The following TAFA1 variants were observed in gnomAD, a reference collection of about 807,000 sequenced individuals.
The protein encoded by TAFA1 is TAFA chemokine like family member 1.
In TAFA1, 4 loss-of-function variants were observed where a neutral mutation model predicts 18.5. The ratio of observed to expected loss-of-function variants is 0.22; its 90% confidence interval spans 0.11 to 0.49. The LOEUF is 0.49. TAFA1 is among the 20% of genes least tolerant of loss of function. The pLI is 0.98. For synonymous variants in TAFA1, 56 were observed against 55.2 expected (o/e 1.01, Z -0.06); for missense variants, 147 against 169.0 (o/e 0.87, Z 0.72).
chr3:68,384,079 T>C (rs567390132), intron 2 of TAFA1, among the ~76,000 whole-genome samples: 1 of 152,182 alleles, frequency 6.6e-6, no homozygotes, highest in South Asian at 2.1e-4. Context: ...TTTTCTTCTT[T>C]ATTAGTCTAG....
chr3:68,047,372 A>C (rs534975697), intron 2 of TAFA1, among the ~76,000 whole-genome samples: 3 of 152,314 alleles, frequency 2.0e-5, no homozygotes, highest in Admixed American at 1.3e-4. Context: ...AAAATGCATA[A>C]ATTCAAGAAG....
chr3:68,002,311 T>C (rs1031169965), upstream of TAFA1, among the ~76,000 whole-genome samples: 2 of 152,228 alleles, frequency 1.3e-5, no homozygotes, highest in African/African-American at 4.8e-5. Context: ...TTTATTCCAG[T>C]ATTTTTTTCT....
At chr3:68,517,667 C>G (rs1372294735) in intron 3 of TAFA1, among the ~76,000 whole-genome samples, 1 of 152,162 alleles carries the variant, frequency 6.6e-6, no homozygotes, top group Non-Finnish European at 1.5e-5. Context: ...TCAGTTCCAT[C>G]TATGAAATTA....
chr3:68,418,897 G>A (rs1236501051), intron 3 of TAFA1, among the ~76,000 whole-genome samples: 1 of 152,076 alleles, frequency 6.6e-6, no homozygotes, highest in Non-Finnish European at 1.5e-5. Context: ...GCTTAAAACA[G>A]AAAACATTAT....
intron 2 of TAFA1, among the ~76,000 whole-genome samples, chr3:68,399,235 G>T (rs996290842): frequency 1.3e-5 from 2 of 152,158 alleles, no homozygotes; most frequent in East Asian, 1.9e-4. Flanking sequence ...ATTTTACAAA[G>T]CTCAAAGAGT....
In TAFA1 at chr3:68,130,715, G is replaced by A. The variant is rs142111775; in HGVS notation, c.118+123971G>A. ...CATTCCAGTTACATTTCCCTTCCTCGAGAACATCAGACTATTTTCTGCCTC... is the reference window on the plus strand; with the variant it reads ...CATTCCAGTTACATTTCCCTTCCTCAAGAACATCAGACTATTTTCTGCCTC... On this transcript the variant is annotated intron_variant, in intron 2 of 4. Coordinates refer to ENST00000478136, the MANE Select transcript of TAFA1 (RefSeq NM_213609.4). 3.3e-3 allele frequency among the ~76,000 whole-genome samples: 498 copies of A among 151,854 alleles called. 1 individual carries two copies. Among genetic ancestry groups the A allele is most frequent in the Non-Finnish European group, 4.2e-3 (284 of 67,982 alleles).
intron 2 of TAFA1, among the ~76,000 whole-genome samples, chr3:68,370,483 T>C (rs1406303728): frequency 2.4e-5 from 2 of 81,760 alleles, no homozygotes; most frequent in Non-Finnish European, 2.4e-5. Flanking sequence ...TATATATATA[T>C]ATATATATAT....
chr3:68,340,848 G>A (rs2069070571), intron 2 of TAFA1, among the ~76,000 whole-genome samples: 1 of 152,174 alleles, frequency 6.6e-6, no homozygotes, highest in African/African-American at 2.4e-5. Flanking sequence ...AATCTGACCT[G>A]TATTCACATT....
chr3:67,994,476 CAGTT>C, the TAFA1 span, among the ~76,000 whole-genome samples: 2 of 152,172 alleles, frequency 1.3e-5, no homozygotes, highest in African/African-American at 2.4e-5. Context: ...TGTTAGTGCT[CAGTT>C]AGTTAGAATG....
intron 2 of TAFA1, among the ~76,000 whole-genome samples, chr3:68,335,773 A>G (rs2068960534): frequency 6.6e-6 from 1 of 152,232 alleles, no homozygotes; most frequent in Admixed American, 6.5e-5. Flanking sequence ...ATGAACACCC[A>G]GTTGCCGCTG....
chr3:68,226,785 A>G (rs1025846963), intron 2 of TAFA1, among the ~76,000 whole-genome samples: 1 of 152,196 alleles, frequency 6.6e-6, no homozygotes, highest in Non-Finnish European at 1.5e-5. Flanking sequence ...AAGACAGAGA[A>G]CCAATAGTTC....
At chr3:68,387,140 C>A (rs2070122863) in intron 2 of TAFA1, among the ~76,000 whole-genome samples, 1 of 151,308 alleles carries the variant, frequency 6.6e-6, no homozygotes, top group Non-Finnish European at 1.5e-5. Context: ...TGGAACAAAT[C>A]TCAAATCTAC....
At chr3:68,244,564 CAG>C (rs1438652430) in intron 2 of TAFA1, among the ~76,000 whole-genome samples, 10 of 152,082 alleles carry the variant, frequency 6.6e-5, no homozygotes, top group South Asian at 6.2e-4. Context: ...TTTGTAGAGA[CAG>C]AGTCTTGCTA....
intron 2 of TAFA1, among the ~76,000 whole-genome samples, chr3:68,396,854 G>T (rs895069160): frequency 1.2e-4 from 19 of 152,146 alleles, no homozygotes; most frequent in African/African-American, 4.6e-4. Context: ...GAACTACTCA[G>T]TGTCCTCTGA....
chr3:68,421,151 T>G (rs185171734), intron 3 of TAFA1, among the ~76,000 whole-genome samples: 202 of 152,230 alleles, frequency 1.3e-3, no homozygotes, highest in Non-Finnish European at 2.0e-3. Context: ...GCCCTAAGAT[T>G]TGTAAGAAGT....
chr3:68,172,000 G>A (rs775223199), intron 2 of TAFA1, among the ~76,000 whole-genome samples: 4 of 152,098 alleles, frequency 2.6e-5, no homozygotes, highest in Non-Finnish European at 5.9e-5. Context: ...AGATGATTGA[G>A]TCTAGAAGGA....
chr3:68,057,793 G>A (rs1215770152), intron 2 of TAFA1, among the ~76,000 whole-genome samples: 1 of 152,186 alleles, frequency 6.6e-6, no homozygotes, highest in Non-Finnish European at 1.5e-5. Context: ...GACGACAGAA[G>A]CAGTGGGTGG....
At chr3:68,213,846 GC>G (rs1446223998) in intron 2 of TAFA1, among the ~76,000 whole-genome samples, 7 of 152,128 alleles carry the variant, frequency 4.6e-5, no homozygotes, top group Admixed American at 3.9e-4. Context: ...AGCCAGTAGA[GC>G]CTTTAGCACA....
In TAFA1 at chr3:68,315,505, C is replaced by T. The variant is rs575161059; in HGVS notation, c.119-101775C>T. Reference sequence around the variant, plus strand: ...AAAATTCTCCTAAAGATACATTACTCGGTTCACTTTATTCCTCCTATGCCA... The same window carrying T: ...AAAATTCTCCTAAAGATACATTACTTGGTTCACTTTATTCCTCCTATGCCA... On this transcript the variant is annotated intron_variant, in intron 2 of 4. Coordinates refer to ENST00000478136, the MANE Select transcript of TAFA1 (RefSeq NM_213609.4). 2.6e-5 allele frequency among the ~76,000 whole-genome samples: 4 copies of T among 152,240 alleles called. 1 individual carries two copies. Among genetic ancestry groups the T allele is most frequent in the South Asian group, 4.1e-4 (2 of 4,826 alleles).
Sources: gnomAD v4.1 joint callset for allele counts (sites outside exome capture counted in the v4.1 genomes callset) on GRCh38, gnomAD v4.1.1 for gene constraint, MANE v1.5 for transcripts, NCBI Gene and HGNC (gene_info 2026-07-23, HGNC 2026-07-21) for gene names.